Variants in PHYHIPL observed in about 807,000 individuals in gnomAD.
The protein encoded by PHYHIPL is phytanoyl-CoA hydroxylase-interacting protein-like.
PHYHIPL carries 9 observed loss-of-function variants against 33.4 expected under a neutral mutation model. The observed-to-expected ratio is 0.27, with a 90% CI of 0.16 to 0.47. The LOEUF is 0.47. PHYHIPL is among the 20% of genes least tolerant of loss of function. The pLI is 0.99. For missense variants in PHYHIPL, 365 were observed against 460.7 expected, an observed-to-expected ratio of 0.79 and a Z score of 1.90; for synonymous variants, 153 against 154.1, an observed-to-expected ratio of 0.99 and a Z score of 0.05.
chr10:59,236,689 T>G, intron 3 of PHYHIPL, 32 bp downstream of exon 3: 1 of 1,521,378 alleles, frequency 6.6e-7, no homozygotes, highest in Non-Finnish European at 8.8e-7. Context: ...ATAGAAAAGC[T>G]TTAGTTGTTC....
rs1840793404 is a variant in PHYHIPL, at chr10:59,247,314, T to G, written c.*1723T>G. The G allele has an allele frequency of 9.6e-6, 3 of 311,982 alleles. No individual in the cohort carries two copies. The South Asian group carries it at 1.2e-4, about 12-fold the overall frequency. 19.3% of individuals were successfully genotyped at this position (311,982 alleles called of 1,614,324 possible). ...CTAACAAGTGTCCTAGCTATGTTAT[T>G]TAGATTTGATAAAATATTAGACATT... On this transcript the variant is annotated 3_prime_UTR_variant, in exon 5 of 5. Coordinates refer to ENST00000373880, the MANE Select transcript of PHYHIPL (RefSeq NM_032439.4).
At chr10:59,200,524 T>C (rs1839068433) in intron 1 of PHYHIPL, among the ~76,000 whole-genome samples, 1 of 152,182 alleles carries the variant, frequency 6.6e-6, no homozygotes, top group Admixed American at 6.5e-5. Context: ...TTCTCTTTTT[T>C]GATTTTGTCT....
rs1361791719 is a variant in PHYHIPL, at chr10:59,180,835, C to T, written c.106+3876C>T. On this transcript the variant is annotated intron_variant, in intron 1 of 4. Coordinates refer to ENST00000373880, the MANE Select transcript of PHYHIPL (RefSeq NM_032439.4). ...TTTTAACTTTGGAAATAAAAAGTAACAAATGCTTAATAGCACAGTGATGTT... is the reference window on the plus strand; with the variant it reads ...TTTTAACTTTGGAAATAAAAAGTAATAAATGCTTAATAGCACAGTGATGTT... Among the ~76,000 whole-genome samples the T allele has an allele frequency of 3.3e-5, 5 of 152,200 alleles. No homozygotes were observed. The East Asian group carries it at 9.7e-4, about 29-fold the overall frequency.
chr10:59,173,809 T>C (rs1376514977), upstream of PHYHIPL, among the ~76,000 whole-genome samples: 1 of 151,950 alleles, frequency 6.6e-6, no homozygotes, highest in Non-Finnish European at 1.5e-5. Flanking sequence ...TTGTGGTTTC[T>C]ATAACCCACG....
chr10:59,177,039 C>A, intron 1 of PHYHIPL, 80 bp downstream of exon 1: 1 of 1,243,718 alleles, frequency 8.0e-7, no homozygotes, highest in Non-Finnish European at 1.1e-6. Context: ...GCCGACGCCG[C>A]TCGCCAGGGC....
chr10:59,222,733 G>A (rs201239163), intron 1 of PHYHIPL, among the ~76,000 whole-genome samples: 2 of 151,960 alleles, frequency 1.3e-5, no homozygotes, highest in Non-Finnish European at 2.9e-5. Context: ...GGTTTCAAAA[G>A]AAAAAAATTC....
At position 59,176,774 on chromosome 10, in the gene PHYHIPL, CT is replaced by C; in HGVS notation, c.-77del. 2 of 1,312,706 alleles carry C rather than the reference CT, an allele frequency of 1.5e-6. No individual in the cohort carries two copies. Among genetic ancestry groups the C allele is most frequent in the Non-Finnish European group, 2.1e-6 (2 of 944,022 alleles). 81.3% of individuals were successfully genotyped at this position (1,312,706 alleles called of 1,614,324 possible). A position where few individuals can be genotyped will look rare whatever the true frequency, so the allele number is the denominator to read the frequency against. On this transcript the variant is annotated 5_prime_UTR_variant, in exon 1 of 5. Coordinates refer to ENST00000373880, the MANE Select transcript of PHYHIPL (RefSeq NM_032439.4). ...TCCCTCCCTCTGCCACTCCCCCTCC[CT>C]TTCCCGCTCTTCTTGCCCACCCGGC...
At chr10:59,195,145 GTTTAA>G (rs1400736580) in intron 1 of PHYHIPL, among the ~76,000 whole-genome samples, 1 of 152,078 alleles carries the variant, frequency 6.6e-6, no homozygotes, top group Admixed American at 6.6e-5. Context: ...TTAAGGTATT[GTTTAA>G]TTTATTTTGG....
At chr10:59,243,056 A>C (rs983967330) in intron 4 of PHYHIPL, among the ~76,000 whole-genome samples, 2 of 152,170 alleles carry the variant, frequency 1.3e-5, no homozygotes, top group Non-Finnish European at 2.9e-5. Context: ...CAAGCTGAGA[A>C]AACCCTAAAT....
chr10:59,176,972 G>A lies in PHYHIPL; in HGVS notation c.106+13G>A, dbSNP rs768122690. 3.7e-6 allele frequency: 6 copies of A among 1,608,754 alleles called. No individual in the cohort carries two copies. Among genetic ancestry groups the A allele is most frequent in the Middle Eastern group, 1.7e-4 (1 of 6,042 alleles). Reference sequence around the variant, plus strand: ...TGCGACCGGGACGGTAAGAGCGGCCGGGACCGCGAGGAAAGGGACAGAGTT... The same window carrying A: ...TGCGACCGGGACGGTAAGAGCGGCCAGGACCGCGAGGAAAGGGACAGAGTT... On this transcript the variant is annotated intron_variant, in intron 1 of 4. Coordinates refer to ENST00000373880, the MANE Select transcript of PHYHIPL (RefSeq NM_032439.4).
upstream of PHYHIPL, among the ~76,000 whole-genome samples, chr10:59,175,997 A>G (rs2133166441): frequency 6.6e-6 from 1 of 152,296 alleles, no homozygotes; most frequent in East Asian, 1.9e-4. Context: ...CCTTTCTGGC[A>G]GTAAGGAGTT....
chr10:59,231,730 C>A (rs933513186), intron 1 of PHYHIPL, among the ~76,000 whole-genome samples: 1 of 152,076 alleles, frequency 6.6e-6, no homozygotes, highest in Non-Finnish European at 1.5e-5. Flanking sequence ...AAATCTATCT[C>A]TATCTACATT....
Position 59,246,836 on chromosome 10 carries a change from A to C in PHYHIPL, c.*1245A>C, listed in dbSNP as rs1021613766. 4 of 384,760 alleles carry C rather than the reference A, an allele frequency of 1.0e-5. No homozygotes were observed. Among genetic ancestry groups the C allele is most frequent in the Non-Finnish European group, 1.8e-5 (4 of 217,584 alleles). The allele number at this position is 384,760 out of a possible 1,614,324, so 23.8% of individuals were successfully genotyped here. ...AAAGATTAGCAATAATACTATGGAC[A>C]CATTAGATTATATACTACAGACACA... On this transcript the variant is annotated 3_prime_UTR_variant, in exon 5 of 5. Transcript: ENST00000373880.
chr10:59,173,921 GTTTTTTTTTTTTTTTTTTT>G (rs368316005), upstream of PHYHIPL, among the ~76,000 whole-genome samples: 12 of 57,554 alleles, frequency 2.1e-4, no homozygotes, highest in South Asian at 1.3e-3. Context: ...TACTTCTGAG[GTTTTTTTTTTTTTTTTTTT>G]TTTTTTTTTT....
intron 1 of PHYHIPL, among the ~76,000 whole-genome samples, chr10:59,206,424 C>T (rs951609049): frequency 2.6e-5 from 4 of 152,314 alleles, no homozygotes; most frequent in Admixed American, 6.5e-5. Context: ...TGATTGGCAT[C>T]GCTGCTTCAA....
chr10:59,203,152 A>G (rs1007917608), intron 1 of PHYHIPL, among the ~76,000 whole-genome samples: 2 of 152,216 alleles, frequency 1.3e-5, no homozygotes, highest in Non-Finnish European at 2.9e-5. Flanking sequence ...TGCAGCCAAC[A>G]GACACATGAA....
chr10:59,208,134 C>A (rs555776504), intron 1 of PHYHIPL, among the ~76,000 whole-genome samples: 8 of 152,168 alleles, frequency 5.3e-5, no homozygotes, highest in African/African-American at 1.9e-4. Context: ...CTGGGAGACA[C>A]CTCCCAGCAG....
intron 1 of PHYHIPL, among the ~76,000 whole-genome samples, chr10:59,221,489 C>CTTCG (rs1839774661): frequency 6.6e-6 from 1 of 152,090 alleles, no homozygotes; most frequent in South Asian, 2.1e-4. Flanking sequence ...TTTACTAGTG[C>CTTCG]TTCGGTTCAC....
At chr10:59,198,331 T>A (rs548581375) in intron 1 of PHYHIPL, among the ~76,000 whole-genome samples, 5 of 152,042 alleles carry the variant, frequency 3.3e-5, no homozygotes, top group African/African-American at 1.2e-4. Context: ...GCGATAGTTT[T>A]CTGAGAATGA....
Sources: allele counts gnomAD v4.1 joint callset (sites outside exome capture counted in the v4.1 genomes callset), GRCh38; gene constraint gnomAD v4.1.1; transcripts MANE v1.5; gene names NCBI Gene and HGNC (gene_info 2026-07-23, HGNC 2026-07-21).